Variants in NPAS1 observed in about 807,000 individuals in gnomAD.
NPAS1 encodes the protein neuronal PAS domain protein 1.
Under a neutral mutation model 49.2 loss-of-function variants are expected in NPAS1, and 29 were observed. The ratio of observed to expected loss-of-function variants is 0.59; its 90% confidence interval spans 0.44 to 0.80. The LOEUF (loss-of-function observed/expected upper bound fraction) is 0.80. Ranked by LOEUF, NPAS1 falls within the 30% of genes least tolerant of loss-of-function variation. The probability of loss-of-function intolerance (pLI) is 0.00; values close to 1 mark genes in which losing one functional copy is unlikely to be tolerated. For missense variants in NPAS1, 825 were observed against 835.5 expected (o/e 0.99, Z 0.15); for synonymous variants, 408 against 380.4 (o/e 1.07, Z -0.84).
At chr19:47,043,482 C>T (rs945194464) in intron 11 of NPAS1, among the ~76,000 whole-genome samples, 4 of 150,878 alleles carry the variant, frequency 2.7e-5, no homozygotes, top group Non-Finnish European at 5.9e-5. Context: ...CCCAACTACT[C>T]GGGAGGCTAA....
chr19:47,038,057 G>A (rs2056976653), intron 6 of NPAS1, among the ~76,000 whole-genome samples: 1 of 152,212 alleles, frequency 6.6e-6, no homozygotes, highest in Admixed American at 6.5e-5. Context: ...GGAACCCAGA[G>A]GGGATGGCTG....
chr19:47,025,563 C>T (rs915278261), intron 3 of NPAS1, among the ~76,000 whole-genome samples: 2 of 151,924 alleles, frequency 1.3e-5, no homozygotes. Flanking sequence ...CAGGTGTGAG[C>T]CACCGCACCC....
chr19:47,035,884 G>A (rs769942390), intron 5 of NPAS1, 80 bp from the exon 6 acceptor site: 18 of 1,408,056 alleles, frequency 1.3e-5, no homozygotes, highest in Non-Finnish European at 1.6e-5. Flanking sequence ...GGCAAATGAG[G>A]CAAGGCTGAG....
chr19:47,020,024 A>C, intron 1 of NPAS1, 27 bp downstream of exon 1: 2 of 233,842 alleles, frequency 8.6e-6, no homozygotes, highest in Non-Finnish European at 7.3e-6. Flanking sequence ...GGCTGGCAGG[A>C]GGGGGACTTC....
intron 3 of NPAS1, among the ~76,000 whole-genome samples, chr19:47,031,604 C>T (rs532090799): frequency 2.7e-5 from 4 of 149,606 alleles, no homozygotes; most frequent in Non-Finnish European, 5.9e-5. Flanking sequence ...GATCTCGGCT[C>T]ACTGCAACCT....
At chr19:47,023,641 G>C (rs551294003) in intron 3 of NPAS1, among the ~76,000 whole-genome samples, 1 of 152,290 alleles carries the variant, frequency 6.6e-6, no homozygotes, top group Non-Finnish European at 1.5e-5. Context: ...CTCTGAAGGG[G>C]AGGGGACTCC....
intron 7 of NPAS1, 61 bp from the exon 8 acceptor site, chr19:47,039,346 T>A (rs1229243720): frequency 6.9e-6 from 11 of 1,595,708 alleles, no homozygotes; most frequent in Non-Finnish European, 9.4e-6. Context: ...AGCCCAGTGA[T>A]GGTCCTCTTG....
chr19:47,032,447 G>T, intron 4 of NPAS1, 96 bp downstream of exon 4: 1 of 1,368,138 alleles, frequency 7.3e-7, no homozygotes, highest in Non-Finnish European at 1.0e-6. Flanking sequence ...CTATTGTGGG[G>T]GGTACCTGGA....
rs368900792 is a variant in NPAS1, at chr19:47,045,403, C to T, written c.1525C>T (p.Arg509Trp). The change falls in exon 12 of 12, where the codon CGG (arginine) becomes TGG (tryptophan). Residue 509 changes from arginine to tryptophan, a missense_variant. Coordinates refer to ENST00000602212, the MANE Select transcript of NPAS1 (RefSeq NM_002517.4). ...RAGVLKQDPV[R>W]PWGLAPPGDP... ...AGGGGTCCTGAAGCAGGATCCGGTG[C>T]GGCCATGGGGCCTGGCGCCTCCCGG... 82 of 1,611,634 alleles carry T rather than the reference C, an allele frequency of 5.1e-5. No individual in the cohort carries two copies. The highest frequency in any genetic ancestry group is 6.7e-5 in the Non-Finnish European group (79 of 1,179,288).
At chr19:47,038,921 C>G in intron 6 of NPAS1, 115 bp from the exon 7 acceptor site, 2 of 822,122 alleles carry the variant, frequency 2.4e-6, no homozygotes, top group East Asian at 5.0e-5. Flanking sequence ...CCTCTGAGTG[C>G]GGCCGTGGCC....
chr19:47,041,481 AAAG>A (rs2122547281), intron 10 of NPAS1, among the ~76,000 whole-genome samples: 1 of 151,992 alleles, frequency 6.6e-6, no homozygotes, highest in East Asian at 1.9e-4. Flanking sequence ...CAACTAATGG[AAAG>A]AAGCAGGGAG....
At chr19:47,027,422 C>CTCTCTCTGCGCCTGGTCTCCCT (rs2056879481) in intron 3 of NPAS1, among the ~76,000 whole-genome samples, 1 of 135,518 alleles carries the variant, frequency 7.4e-6, no homozygotes, top group South Asian at 2.5e-4. Flanking sequence ...CTGGGTCCCC[C>CTCTCTCTGCGCCTGGTCTCCCT]TCTCTCTGCG....
In NPAS1 at chr19:47,021,041, C is replaced by T. The variant is rs1192195739; in HGVS notation, c.-7C>T. ...GCTCGGAGCCCGCCTGAGCGAGCCC[C>T]CCGGAGATGGCGGCCCCCTATCCCG... On this transcript the variant is annotated 5_prime_UTR_variant, in exon 2 of 12. Coordinates refer to ENST00000602212, the MANE Select transcript of NPAS1 (RefSeq NM_002517.4). This position sits in a 1 kb window ranked among gnomAD's most constrained non-coding sequence, Gnocchi z 5.7. 1 of 1,601,234 alleles carries T rather than the reference C, an allele frequency of 6.2e-7. No individual in the cohort carries two copies. Among genetic ancestry groups the T allele is most frequent in the Non-Finnish European group, 8.5e-7 (1 of 1,175,666 alleles).
chr19:47,044,193 C>T (rs1310737939), intron 11 of NPAS1, among the ~76,000 whole-genome samples: 1 of 152,212 alleles, frequency 6.6e-6, no homozygotes, highest in East Asian at 1.9e-4. Flanking sequence ...CCTGCCTCAG[C>T]CTCCCAAGTA....
Position 47,021,184 on chromosome 19 carries a change from G to T in NPAS1, c.122+15G>T. 3 of 1,511,976 alleles carry T rather than the reference G, an allele frequency of 2.0e-6. No homozygotes were observed. The highest frequency in any genetic ancestry group is 2.6e-6 in the Non-Finnish European group (3 of 1,132,784). 93.7% of individuals were successfully genotyped at this position (1,511,976 alleles called of 1,614,324 possible). ...TCCGGACCGTGGTGAGCAAAGCCCC[G>T]CCCCCCTGGCCGCGGGCCCCCCCCC... is the stretch of plus-strand genomic sequence containing the variant. On this transcript the variant is annotated intron_variant, in intron 2 of 11. Coordinates refer to ENST00000602212, the MANE Select transcript of NPAS1 (RefSeq NM_002517.4). This position sits in a 1 kb window ranked among gnomAD's most constrained non-coding sequence, Gnocchi z 5.7.
rs2056841043 is a variant in NPAS1 at position 47,021,535 on chromosome 19, A to G, written c.123-77A>G. 1 of 979,910 alleles carries G rather than the reference A, an allele frequency of 1.0e-6. No homozygotes were observed. The highest frequency in any genetic ancestry group is 1.4e-6 in the Non-Finnish European group (1 of 702,154). 60.7% of individuals were successfully genotyped at this position (979,910 alleles called of 1,614,324 possible). The stretch of plus-strand genomic sequence containing the variant: ...CCCGTCCCGTTCCCAAGGCCCCGGG[A>G]GGCGGGGCTCGCCCCCAGTTCCCAA... On this transcript the variant is annotated intron_variant, in intron 2 of 11. Coordinates refer to ENST00000602212, the MANE Select transcript of NPAS1 (RefSeq NM_002517.4). The surrounding 1 kb of genome is among the most constrained non-coding windows in gnomAD (Gnocchi z 5.7).
chr19:47,035,284 G>A (rs2056943238), intron 5 of NPAS1: 1 of 152,636 alleles, frequency 6.6e-6, no homozygotes, highest in Non-Finnish European at 1.5e-5. Flanking sequence ...GGAGCCCAGA[G>A]GGATAACGGA....
Position 47,021,698 on chromosome 19 carries a change from A to G in NPAS1, c.209A>G (p.Lys70Arg), listed in dbSNP as rs2056842838. The G allele has an allele frequency of 6.4e-7, 1 of 1,560,086 alleles. No individual in the cohort carries two copies. Among genetic ancestry groups the G allele is most frequent in the Non-Finnish European group, 8.7e-7 (1 of 1,154,026 alleles). The part of the protein sequence containing the change: ...KENLEFFELA[K>R]LLPLPGAISS... ...AACCTGGAGTTCTTCGAGCTGGCCA[A>G]GCTTCTCCCGCTGCCCGGCGCCATC... Residue 70 changes from lysine (K) to arginine (R), a missense_variant, in exon 3 of 12, where the codon AAG (lysine) becomes AGG (arginine). Coordinates refer to ENST00000602212, the MANE Select transcript of NPAS1 (RefSeq NM_002517.4). This position sits in a 1 kb window ranked among gnomAD's most constrained non-coding sequence, Gnocchi z 5.7.
rs767761168 is a variant in NPAS1 at position 47,021,203 on chromosome 19, C to A, written c.122+34C>A. The A allele has an allele frequency of 6.0e-5, 90 of 1,488,494 alleles. No individual in the cohort carries two copies. In the East Asian group the frequency reaches 1.5e-3, roughly 25 times the overall value. 92.2% of individuals were successfully genotyped at this position (1,488,494 alleles called of 1,614,324 possible). On this transcript the variant is annotated intron_variant, in intron 2 of 11. Transcript: ENST00000602212. The surrounding 1 kb of genome is among the most constrained non-coding windows in gnomAD (Gnocchi z 5.7). Reference sequence around the variant, plus strand: ...AGCCCCGCCCCCCTGGCCGCGGGCCCCCCCCCGGGTCCAATTCACACCCGA... The same window carrying A: ...AGCCCCGCCCCCCTGGCCGCGGGCCACCCCCCGGGTCCAATTCACACCCGA...
Sources: allele counts gnomAD v4.1 joint callset (sites outside exome capture counted in the v4.1 genomes callset), GRCh38; gene constraint gnomAD v4.1.1; non-coding constraint Gnocchi (gnomAD v3.1); transcripts MANE v1.5; gene names NCBI Gene and HGNC (gene_info 2026-07-23, HGNC 2026-07-21).